The following GOLM1 variants were observed in gnomAD, a reference collection of about 807,000 sequenced individuals.
GOLM1 encodes epididymis luminal protein 46.
In GOLM1, 31 loss-of-function variants were observed where a neutral mutation model predicts 50.5. The observed-to-expected ratio is 0.61, with a 90% CI of 0.46 to 0.83. GOLM1 has a LOEUF of 0.83. GOLM1 is among the 40% of genes least tolerant of loss of function. GOLM1 has a pLI of 0.00. For missense variants in GOLM1, 491 were observed against 501.3 expected, an observed-to-expected ratio of 0.98 and a Z score of 0.20; for synonymous variants, 178 against 192.8, an observed-to-expected ratio of 0.92 and a Z score of 0.64.
intron 9 of GOLM1, among the ~76,000 whole-genome samples, chr9:86,028,857 T>C (rs1832874730): frequency 6.7e-6 from 1 of 148,650 alleles, no homozygotes; most frequent in Admixed American, 6.7e-5. Context: ...TTTTTTTTTT[T>C]TTTTTTTTTG....
At chr9:86,098,289 T>C (rs1316536414) in intron 1 of GOLM1, among the ~76,000 whole-genome samples, 1 of 151,700 alleles carries the variant, frequency 6.6e-6, no homozygotes, top group African/African-American at 2.4e-5. Flanking sequence ...ATAACACAAC[T>C]GGAAGAAGCT....
chr9:86,053,067 ACAC>A, intron 3 of GOLM1, among the ~76,000 whole-genome samples: 1 of 133,538 alleles, frequency 7.5e-6, no homozygotes, highest in East Asian at 2.4e-4. Context: ...ACCACACCAC[ACAC>A]CACTCTACAC....
chr9:86,054,107 T>C (rs1484340389), intron 3 of GOLM1, among the ~76,000 whole-genome samples: 5 of 151,872 alleles, frequency 3.3e-5, no homozygotes, highest in African/African-American at 1.2e-4. Context: ...AAGTCAACAG[T>C]AGAGGAGGAC....
chr9:86,079,356 C>T lies in GOLM1; in HGVS notation c.-21-15G>A. 1 of 1,557,046 alleles carries T rather than the reference C, an allele frequency of 6.4e-7. No individual in the cohort carries two copies. Among genetic ancestry groups the T allele is most frequent in the South Asian group, 1.2e-5 (1 of 85,732 alleles). ...GCGCTGAGAATCTGCCAAGTAAAAGCAAATAAATAAACATCAATACTAGTT... is the reference window on the plus strand; with the variant it reads ...GCGCTGAGAATCTGCCAAGTAAAAGTAAATAAATAAACATCAATACTAGTT... On this transcript the variant is annotated splice_polypyrimidine_tract_variant and intron_variant, in intron 1 of 9. Coordinates refer to ENST00000388712, the MANE Select transcript of GOLM1 (RefSeq NM_016548.4).
chr9:86,054,444 A>T (rs1353713480), intron 3 of GOLM1, among the ~76,000 whole-genome samples: 1 of 152,104 alleles, frequency 6.6e-6, no homozygotes. Flanking sequence ...GGCTGGTCTC[A>T]AACTTCTGAC....
At chr9:86,034,206 G>A (rs528349749) in intron 8 of GOLM1, among the ~76,000 whole-genome samples, 2 of 152,090 alleles carry the variant, frequency 1.3e-5, no homozygotes, top group South Asian at 2.1e-4. Context: ...CTCATGATCC[G>A]CCCACCTCGG....
chr9:86,044,752 G>C (rs1833478371), intron 5 of GOLM1, among the ~76,000 whole-genome samples: 2 of 152,084 alleles, frequency 1.3e-5, no homozygotes, highest in African/African-American at 4.8e-5. Flanking sequence ...AGGTGTGCGA[G>C]ACCAGCCTAG....
upstream of GOLM1, chr9:86,100,011 G>A (rs1293258673): frequency 6.6e-6 from 1 of 152,234 alleles, no homozygotes; most frequent in Admixed American, 6.5e-5. Flanking sequence ...GGTTTTTAGG[G>A]GGCTTATACT....
chr9:86,064,248 T>C (rs931229122), intron 3 of GOLM1, among the ~76,000 whole-genome samples: 2 of 152,344 alleles, frequency 1.3e-5, no homozygotes, highest in Non-Finnish European at 2.9e-5. Flanking sequence ...TTGAATCCAA[T>C]TGACAAACTG....
chr9:86,053,292 ACCACACACCACACCAAACCACAGCAGG>A (rs1171156786), intron 3 of GOLM1, among the ~76,000 whole-genome samples: 2 of 134,788 alleles, frequency 1.5e-5, no homozygotes, highest in African/African-American at 5.7e-5. Context: ...ACCATTCCAC[ACCACACACCACACCAAACCACAGCAGG>A]CCACACACCA....
rs181142511 is a variant in GOLM1 at position 86,087,404 on chromosome 9, G to A, written c.-21-8063C>T. On this transcript the variant is annotated intron_variant, in intron 1 of 9. Transcript: ENST00000388712. The stretch of plus-strand genomic sequence containing the variant: ...TGTTGTCTGCAAACAGGGATCATAT[G>A]ACTTCCTCTCTTCCTATTTGAATAC... Among the ~76,000 whole-genome samples, 41 of 152,294 alleles carry A rather than the reference G, an allele frequency of 2.7e-4. No homozygotes were observed. The East Asian group carries it at 3.3e-3, about 12-fold the overall frequency.
chr9:86,084,786 A>G (rs1834900245), intron 1 of GOLM1: 1 of 152,220 alleles, frequency 6.6e-6, no homozygotes, highest in African/African-American at 2.4e-5. Flanking sequence ...ACGGAGGCTC[A>G]TGCCTGTAAT....
In GOLM1 at chr9:86,046,516, A is replaced by G. The variant is rs773076505; in HGVS notation, c.421T>C (p.Phe141Leu). 5 of 1,613,694 alleles carry G rather than the reference A, an allele frequency of 3.1e-6. No homozygotes were observed. Among genetic ancestry groups the G allele is most frequent in the Non-Finnish European group, 4.2e-6 (5 of 1,179,612 alleles). ...YGRLQQDVLQ[F>L]QKNQTNLERK... is the part of the protein sequence containing the mutation. ...TCCAGGTTGGTCTGGTTCTTCTGAA[A>G]CTGGAGGACATCCTGCTGCAGCCTG... The change falls in exon 5 of 10, where the codon TTT becomes CTT. Residue 141 changes from phenylalanine to leucine, a missense_variant. Coordinates refer to ENST00000388712, the MANE Select transcript of GOLM1 (RefSeq NM_016548.4).
intron 9 of GOLM1, among the ~76,000 whole-genome samples, chr9:86,032,268 AGCGATTCTCTT>A (rs1258513392): frequency 1.2e-4 from 19 of 152,162 alleles, no homozygotes; most frequent in Non-Finnish European, 2.6e-4. Context: ...CCCGGGTTCA[AGCGATTCTCTT>A]GCCTCAGCCT....
At chr9:86,082,608 T>G (rs913357616) in intron 1 of GOLM1, among the ~76,000 whole-genome samples, 8 of 151,894 alleles carry the variant, frequency 5.3e-5, no homozygotes, top group Non-Finnish European at 8.8e-5. Context: ...GCCCAGCTAA[T>G]TTTTTCTATT....
chr9:86,040,953 C>A (rs1833325990), intron 5 of GOLM1, 85 bp from the exon 6 acceptor site: 5 of 1,340,400 alleles, frequency 3.7e-6, no homozygotes, highest in Non-Finnish European at 5.2e-6. Flanking sequence ...ATAAGAGACA[C>A]AGACCCTCTT....
chr9:86,054,147 A>G (rs1431569435), intron 3 of GOLM1, among the ~76,000 whole-genome samples: 2 of 152,208 alleles, frequency 1.3e-5, no homozygotes, highest in African/African-American at 4.8e-5. Flanking sequence ...GATAACAACG[A>G]CAAAGTGAAA....
chr9:86,088,401 CGTT>C (rs2118888071), intron 1 of GOLM1, among the ~76,000 whole-genome samples: 2 of 102,562 alleles, frequency 2.0e-5, no homozygotes, highest in South Asian at 6.2e-4. Flanking sequence ...CTCCTGGATT[CGTT>C]GTTTTTTTGA....
chr9:86,053,546 A>ATTC (rs142552991), intron 3 of GOLM1, among the ~76,000 whole-genome samples: 1 of 652 alleles, frequency 1.5e-3, no homozygotes, highest in African/African-American at 2.7e-3. Context: ...AAACCACACC[A>ATTC]AACACACACT....
Sources: gnomAD v4.1 joint callset for allele counts (sites outside exome capture counted in the v4.1 genomes callset) on GRCh38, gnomAD v4.1.1 for gene constraint, MANE v1.5 for transcripts, NCBI Gene and HGNC (gene_info 2026-07-23, HGNC 2026-07-21) for gene names.